Variants in GPC6 observed in about 807,000 individuals in gnomAD.
The protein encoded by GPC6 is glypican 6.
A neutral mutation model predicts 55.2 loss-of-function variants in GPC6; 14 were observed. The observed-to-expected ratio is 0.25, with a 90% confidence interval of 0.17 to 0.40. The LOEUF (loss-of-function observed/expected upper bound fraction) is 0.40. Among genes scored for constraint, GPC6 ranks in the 10% least tolerant of loss-of-function variants. The probability of loss-of-function intolerance (pLI) is 1.00; values close to 1 mark genes in which losing one functional copy is unlikely to be tolerated. For synonymous variants in GPC6, 278 were observed against 259.6 expected (o/e 1.07, Z -0.68); for missense variants, 641 against 708.5 (o/e 0.90, Z 1.08).
intron 1 of GPC6, among the ~76,000 whole-genome samples, chr13:93,270,752 G>C (rs1444904942): frequency 2.0e-5 from 3 of 146,972 alleles, no homozygotes; most frequent in Non-Finnish European, 4.5e-5. Context: ...CAAGTGGACA[G>C]TCCCCCCAGT....
At chr13:93,428,750 G>C (rs1309902553) in intron 1 of GPC6, among the ~76,000 whole-genome samples, 4 of 152,108 alleles carry the variant, frequency 2.6e-5, no homozygotes, top group Non-Finnish European at 5.9e-5. Flanking sequence ...GTTATCAGGT[G>C]TTTTTCTAGC....
rs748920798 is a variant in GPC6, at chr13:94,398,518, G to A, written c.1342G>A (p.Glu448Lys). Residue 448 changes from glutamate (E) to lysine (K), a missense_variant, in exon 8 of 9, where the codon GAG becomes AAG. Glu to Lys is a moderately conservative substitution (Grantham distance 56, BLOSUM62 1). Transcript: ENST00000377047. ...DGLTNQINNP[E>K]VDVDITRPDT... is the part of the protein sequence containing the mutation. ...GCTCACCAACCAGATCAACAATCCC[G>A]AGGTGGATGTGGACATCACTCGGCC... is the stretch of plus-strand genomic sequence containing the variant. The A allele has an allele frequency of 3.0e-5, 48 of 1,613,658 alleles. No individual in the cohort carries two copies. Among genetic ancestry groups the A allele is most frequent in the South Asian group, 2.2e-5 (2 of 91,082 alleles).
chr13:93,843,276 A>T (rs1422213793), intron 3 of GPC6, among the ~76,000 whole-genome samples: 2 of 151,956 alleles, frequency 1.3e-5, no homozygotes, highest in Non-Finnish European at 2.9e-5. Flanking sequence ...GTTTAGCCTG[A>T]CTCACTTTTC....
intron 6 of GPC6, among the ~76,000 whole-genome samples, chr13:94,364,061 A>G (rs1333267214): frequency 6.6e-6 from 1 of 152,230 alleles, no homozygotes; most frequent in Non-Finnish European, 1.5e-5. Context: ...AGAAAATTTA[A>G]AATTACACCT....
At chr13:94,057,271 A>G (rs1884163175) in intron 4 of GPC6, among the ~76,000 whole-genome samples, 1 of 152,202 alleles carries the variant, frequency 6.6e-6, no homozygotes, top group Admixed American at 6.5e-5. Flanking sequence ...GTTGCTTACA[A>G]GTGTAATCTT....
At chr13:93,811,589 A>ATT (rs5805827) in intron 2 of GPC6, among the ~76,000 whole-genome samples, 5 of 148,966 alleles carry the variant, frequency 3.4e-5, no homozygotes, top group Middle Eastern at 3.6e-3. Context: ...TGTGGATCGG[A>ATT]TTTTTTTTTT....
chr13:94,125,166 G>A (rs1886761006), intron 4 of GPC6, among the ~76,000 whole-genome samples: 1 of 151,972 alleles, frequency 6.6e-6, no homozygotes, highest in South Asian at 2.1e-4. Context: ...TTCTATATGT[G>A]TGTACCATTT....
chr13:93,848,511 A>G (rs1888281346), intron 3 of GPC6, among the ~76,000 whole-genome samples: 1 of 152,010 alleles, frequency 6.6e-6, no homozygotes, highest in South Asian at 2.1e-4. Flanking sequence ...CATCCTACGA[A>G]TATCTTCATC....
At chr13:94,240,229 C>T (rs776907126) in intron 4 of GPC6, among the ~76,000 whole-genome samples, 1 of 152,094 alleles carries the variant, frequency 6.6e-6, no homozygotes, top group Non-Finnish European at 1.5e-5. Flanking sequence ...TTGCACAGTA[C>T]ATGAACAGCA....
chr13:93,277,145 A>C (rs911038601), intron 1 of GPC6, among the ~76,000 whole-genome samples: 77 of 152,148 alleles, frequency 5.1e-4, no homozygotes, highest in African/African-American at 1.4e-3. Context: ...TTTTCTTCTT[A>C]TTATTACATT....
chr13:93,466,776 T>A (rs974543), intron 1 of GPC6, among the ~76,000 whole-genome samples: 27,679 of 152,088 alleles, frequency 0.18, 3,037 homozygotes, highest in East Asian at 0.47. Context: ...CTCAAAGCTA[T>A]GCTTTTATTC....
intron 4 of GPC6, among the ~76,000 whole-genome samples, chr13:94,048,173 A>G (rs775339411): frequency 6.6e-6 from 1 of 152,088 alleles, no homozygotes; most frequent in Non-Finnish European, 1.5e-5. Flanking sequence ...AAATGAGATG[A>G]TGCCTAGCCT....
intron 4 of GPC6, among the ~76,000 whole-genome samples, chr13:94,176,599 G>A (rs556754617): frequency 6.6e-6 from 1 of 152,166 alleles, no homozygotes; most frequent in Non-Finnish European, 1.5e-5. Context: ...TTAAATGCCT[G>A]GCAGATACCC....
chr13:93,613,462 A>G (rs1185005403), intron 2 of GPC6, among the ~76,000 whole-genome samples: 5 of 151,908 alleles, frequency 3.3e-5, no homozygotes, highest in African/African-American at 1.2e-4. Context: ...ATATGCATTT[A>G]GTCACATTAA....
At chr13:94,291,183 A>C (rs1874949882) in intron 5 of GPC6, among the ~76,000 whole-genome samples, 1 of 151,708 alleles carries the variant, frequency 6.6e-6, no homozygotes, top group Non-Finnish European at 1.5e-5. Context: ...AGAGAGCAAG[A>C]CTCCATCTCA....
chr13:94,254,412 A>G (rs1891444973), intron 4 of GPC6, among the ~76,000 whole-genome samples: 1 of 152,142 alleles, frequency 6.6e-6, no homozygotes, highest in Admixed American at 6.6e-5. Context: ...GTGTGGGTCA[A>G]AGTAACATTA....
intron 1 of GPC6, among the ~76,000 whole-genome samples, chr13:93,516,249 T>G (rs1302465874): frequency 6.6e-6 from 1 of 152,182 alleles, no homozygotes; most frequent in African/African-American, 2.4e-5. Flanking sequence ...TCTCCAGATG[T>G]GCAGTTTTCT....
chr13:93,407,530 G>A (rs1876339350), intron 1 of GPC6, among the ~76,000 whole-genome samples: 1 of 152,132 alleles, frequency 6.6e-6, no homozygotes, highest in Admixed American at 6.5e-5. Context: ...TTCTAAAAAG[G>A]CACATTTTCT....
At chr13:93,973,778 C>T (rs1163021741) in intron 3 of GPC6, among the ~76,000 whole-genome samples, 1 of 152,082 alleles carries the variant, frequency 6.6e-6, no homozygotes, top group Non-Finnish European at 1.5e-5. Context: ...GATCGATTCT[C>T]CCATCCAAAA....
Sources: allele counts gnomAD v4.1 joint callset (sites outside exome capture counted in the v4.1 genomes callset), GRCh38; gene constraint gnomAD v4.1.1; transcripts MANE v1.5; gene names NCBI Gene and HGNC (gene_info 2026-07-23, HGNC 2026-07-21).